ACTN1: variants seen among roughly 807,000 people sequenced by gnomAD.
ACTN1 encodes actinin alpha 1, also known as alpha-actinin-1.
In ACTN1, 30 loss-of-function variants were observed where a neutral mutation model predicts 119.6. That is an observed-to-expected ratio of 0.25 (90% CI 0.19 to 0.34). The LOEUF (loss-of-function observed/expected upper bound fraction) is 0.34. Ranked by LOEUF, ACTN1 falls within the 10% of genes least tolerant of loss-of-function variation. ACTN1 has a pLI of 1.00. For synonymous variants in ACTN1, 429 were observed against 472.6 expected, an observed-to-expected ratio of 0.91 and a Z score of 1.20; for missense variants, 764 against 1,223.4, an observed-to-expected ratio of 0.62 and a Z score of 5.60.
chr14:68,944,571 A>G (rs957706954), intron 1 of ACTN1, among the ~76,000 whole-genome samples: 5 of 152,212 alleles, frequency 3.3e-5, no homozygotes, highest in Non-Finnish European at 5.9e-5. Flanking sequence ...GATTTTATCA[A>G]TGCGTGTATT....
At chr14:68,936,823 A>G in intron 1 of ACTN1, 1 of 600,396 alleles carries the variant, frequency 1.7e-6, no homozygotes, top group South Asian at 1.4e-5. Context: ...CAATCCCAGA[A>G]CTGCTTCTGA....
chr14:68,965,961 G>A (rs557139775), intron 1 of ACTN1, among the ~76,000 whole-genome samples: 1 of 152,294 alleles, frequency 6.6e-6, no homozygotes, highest in Admixed American at 6.5e-5. Flanking sequence ...GTTCATGCCT[G>A]TAATCCCAGC....
At chr14:68,881,168 T>C in intron 16 of ACTN1, 179 bp from the exon 17 acceptor site, 1 of 594,440 alleles carries the variant, frequency 1.7e-6, no homozygotes, top group Non-Finnish European at 3.0e-6. Flanking sequence ...CTCTTAGGTA[T>C]GGAAACAGCA....
chr14:68,965,642 C>T (rs1406187012), intron 1 of ACTN1, among the ~76,000 whole-genome samples: 1 of 152,202 alleles, frequency 6.6e-6, no homozygotes, highest in Non-Finnish European at 1.5e-5. Flanking sequence ...CCTGATTCTC[C>T]CCTCCCCAGG....
rs2031317242 is a variant in ACTN1, at chr14:68,879,756, G to A, written c.2280+206C>T. On this transcript the variant is annotated intron_variant, in intron 18 of 21. Transcript: ENST00000394419. The surrounding 1 kb of genome is among the most constrained non-coding windows in gnomAD (Gnocchi z 4.9). ...ACCCACAGTCTGAACACTCTCTCCC[G>A]GAAAGCAGGGAAGCTTATGGGGCAC... 1.6e-5 allele frequency: 10 copies of A among 608,126 alleles called. No homozygotes were observed. Among genetic ancestry groups the A allele is most frequent in the East Asian group, 1.2e-4 (4 of 32,816 alleles). The allele number at this position is 608,126 out of a possible 1,614,324, so 37.7% of individuals were successfully genotyped here. A position where few individuals can be genotyped will look rare whatever the true frequency, so the allele number is the denominator to read the frequency against.
chr14:68,953,748 G>A (rs896976953), intron 1 of ACTN1, among the ~76,000 whole-genome samples: 2 of 151,894 alleles, frequency 1.3e-5, no homozygotes, highest in Non-Finnish European at 2.9e-5. Context: ...TTAGCTAGGC[G>A]TGGTGGCATG....
chr14:68,883,646 T>C (rs1483304492), intron 14 of ACTN1, among the ~76,000 whole-genome samples: 1 of 152,106 alleles, frequency 6.6e-6, no homozygotes, highest in Admixed American at 6.6e-5. Context: ...GGCATGGTGA[T>C]GTGAGCCTGT....
intron 1 of ACTN1, among the ~76,000 whole-genome samples, chr14:68,953,996 T>A (rs1036433144): frequency 1.3e-5 from 2 of 152,218 alleles, no homozygotes; most frequent in Admixed American, 1.3e-4. Flanking sequence ...ACTAATTTTT[T>A]AAAATAATGA....
intron 8 of ACTN1, among the ~76,000 whole-genome samples, chr14:68,895,600 G>T (rs769646604): frequency 6.6e-6 from 1 of 152,160 alleles, no homozygotes; most frequent in Non-Finnish European, 1.5e-5. Context: ...TGCCACCCCG[G>T]AAGACTATGC....
At chr14:68,974,585 A>G in intron 1 of ACTN1, among the ~76,000 whole-genome samples, 1 of 151,906 alleles carries the variant, frequency 6.6e-6, no homozygotes, top group East Asian at 1.9e-4. Context: ...CGTGGCTGAA[A>G]TGCCAGGGAA....
At chr14:68,903,242 T>TTTTTGAAA (rs1177345753) in intron 7 of ACTN1, among the ~76,000 whole-genome samples, 1 of 152,196 alleles carries the variant, frequency 6.6e-6, no homozygotes, top group South Asian at 2.1e-4. Context: ...CCTGGGTTTT[T>TTTTTGAAA]ATGCGTTTGA....
At chr14:68,914,865 T>A (rs187068328) in intron 3 of ACTN1, among the ~76,000 whole-genome samples, 1 of 152,318 alleles carries the variant, frequency 6.6e-6, no homozygotes, top group Admixed American at 6.5e-5. Flanking sequence ...AAGTGTAAAT[T>A]GGTTTAAAAA....
intron 1 of ACTN1, among the ~76,000 whole-genome samples, chr14:68,962,400 G>GCACCT (rs1199739894): frequency 6.6e-6 from 1 of 152,202 alleles, no homozygotes; most frequent in Non-Finnish European, 1.5e-5. Context: ...CAACGGGCCA[G>GCACCT]CACCTCCTCC....
chr14:68,978,857 G>A, intron 1 of ACTN1, 95 bp downstream of exon 1: 2 of 819,654 alleles, frequency 2.4e-6, no homozygotes, highest in South Asian at 2.1e-5. Context: ...GCCCGGAACC[G>A]GTTCAGAGCC....
At chr14:68,884,707 C>A in intron 13 of ACTN1, 68 bp downstream of exon 13, 1 of 1,339,502 alleles carries the variant, frequency 7.5e-7, no homozygotes, top group South Asian at 1.2e-5. Context: ...CAAAGAGAGT[C>A]AAGAAGCAGG....
chr14:68,897,467 C>A (rs1390720397), intron 8 of ACTN1, among the ~76,000 whole-genome samples: 1 of 151,686 alleles, frequency 6.6e-6, no homozygotes, highest in African/African-American at 2.4e-5. Flanking sequence ...CCAAGCCAAA[C>A]TGCTACCCTA....
intron 3 of ACTN1, among the ~76,000 whole-genome samples, chr14:68,920,142 G>A (rs1262081191): frequency 1.3e-5 from 2 of 152,194 alleles, no homozygotes; most frequent in African/African-American, 2.4e-5. Context: ...AGGAAGTCAC[G>A]TAATCTCTTT....
At chr14:68,904,785 G>A in intron 6 of ACTN1, 49 bp from the exon 7 acceptor site, 3 of 1,535,530 alleles carry the variant, frequency 2.0e-6, no homozygotes, top group Non-Finnish European at 2.7e-6. Context: ...GCCACCACAA[G>A]TCACTGGCTA....
Position 68,877,535 on chromosome 14 carries a change from A to G in ACTN1, c.2428-295T>C, listed in dbSNP as rs536529122. 1.8e-4 allele frequency: 66 copies of G among 368,984 alleles called. 1 individual carries two copies. In the South Asian group the frequency reaches 3.0e-3, roughly 17 times the overall value. The allele number at this position is 368,984 out of a possible 1,614,324, so 22.9% of individuals were successfully genotyped here. Reference sequence around the variant, plus strand: ...TAACAATGGCTGACACCTATGTAGCATATCAAGTATTAATCTAAAAGCTTT... The same window carrying G: ...TAACAATGGCTGACACCTATGTAGCGTATCAAGTATTAATCTAAAAGCTTT... On this transcript the variant is annotated intron_variant, in intron 20 of 21. Transcript: ENST00000394419.
Sources: gnomAD v4.1 joint callset for allele counts (sites outside exome capture counted in the v4.1 genomes callset) on GRCh38, gnomAD v4.1.1 for gene constraint, Gnocchi (gnomAD v3.1) non-coding constraint, MANE v1.5 for transcripts, NCBI Gene and HGNC (gene_info 2026-07-23, HGNC 2026-07-21) for gene names.